The following ADGRL3 variants were observed in gnomAD, a reference collection of about 807,000 sequenced individuals.
ADGRL3 encodes the protein adhesion G protein-coupled receptor L3.
Under a neutral mutation model 153.5 loss-of-function variants are expected in ADGRL3, and 62 were observed. The ratio of observed to expected loss-of-function variants is 0.40; its 90% CI spans 0.33 to 0.50. The LOEUF (loss-of-function observed/expected upper bound fraction) is 0.50. ADGRL3 is among the 20% of genes least tolerant of loss of function. The pLI, the probability that ADGRL3 is intolerant of heterozygous loss-of-function variation, is 0.47. For missense variants in ADGRL3, 1,641 were observed against 1,859.4 expected, an observed-to-expected ratio of 0.88 and a Z score of 2.16; for synonymous variants, 710 against 672.5, an observed-to-expected ratio of 1.06 and a Z score of -0.86.
intron 21 of ADGRL3, among the ~76,000 whole-genome samples, chr4:62,007,375 TATATATATACACACACACAC>T (rs1560497561): frequency 9.9e-4 from 9 of 9,052 alleles, no homozygotes; most frequent in African/African-American, 1.2e-3. Flanking sequence ...TATATATATA[TATATATATACACACACACAC>T]ATATATATAT....
intron 25 of ADGRL3, among the ~76,000 whole-genome samples, chr4:62,058,971 A>G (rs1348499969): frequency 2.0e-5 from 3 of 152,136 alleles, no homozygotes; most frequent in African/African-American, 7.2e-5. Flanking sequence ...TTGCACATAA[A>G]AGGGGGAAGA....
intron 1 of ADGRL3, among the ~76,000 whole-genome samples, chr4:61,373,638 C>G (rs57534384): frequency 6.6e-6 from 1 of 152,092 alleles, no homozygotes; most frequent in African/African-American, 2.4e-5. Context: ...TCAGATAAAT[C>G]ATTTTCATAG....
At chr4:62,006,643 TTATA>T (rs1301122198) in intron 21 of ADGRL3, among the ~76,000 whole-genome samples, 1 of 151,788 alleles carries the variant, frequency 6.6e-6, no homozygotes, top group Non-Finnish European at 1.5e-5. Flanking sequence ...TGGTTTCACT[TTATA>T]TATCTATTAT....
intron 4 of ADGRL3, among the ~76,000 whole-genome samples, chr4:61,561,473 A>G (rs575728041): frequency 2.8e-4 from 42 of 152,316 alleles, no homozygotes; most frequent in Non-Finnish European, 4.6e-4. Flanking sequence ...TCCAGGAAGA[A>G]AAATAAGACA....
chr4:61,511,102 A>G (rs571652828), intron 3 of ADGRL3, among the ~76,000 whole-genome samples: 5 of 152,280 alleles, frequency 3.3e-5, no homozygotes, highest in Admixed American at 2.0e-4. Flanking sequence ...TCATGCCTGT[A>G]ATCCCAACAC....
chr4:61,588,827 G>C (rs898022917), intron 5 of ADGRL3, among the ~76,000 whole-genome samples: 5 of 151,912 alleles, frequency 3.3e-5, no homozygotes, highest in African/African-American at 1.2e-4. Flanking sequence ...TATGCAGTGG[G>C]CACTATGACT....
intron 8 of ADGRL3, among the ~76,000 whole-genome samples, chr4:61,777,927 T>G (rs2097171928): frequency 6.6e-6 from 1 of 152,138 alleles, no homozygotes; most frequent in South Asian, 2.1e-4. Context: ...GGGTTGGTCT[T>G]TCACTCCAGA....
intron 21 of ADGRL3, among the ~76,000 whole-genome samples, chr4:61,998,950 A>G (rs1416850970): frequency 1.3e-5 from 2 of 152,126 alleles, no homozygotes; most frequent in Admixed American, 1.3e-4. Flanking sequence ...CAATGTGATG[A>G]GAGCCAGATG....
At chr4:61,294,735 C>T (rs2094344786) in intron 1 of ADGRL3, among the ~76,000 whole-genome samples, 1 of 152,000 alleles carries the variant, frequency 6.6e-6, no homozygotes, top group African/African-American at 2.4e-5. Flanking sequence ...ATCTTAATAT[C>T]TCATCAATAT....
intron 17 of ADGRL3, among the ~76,000 whole-genome samples, chr4:61,965,745 C>T (rs1346216240): frequency 6.6e-6 from 1 of 151,244 alleles, no homozygotes; most frequent in Non-Finnish European, 1.5e-5. Flanking sequence ...AGCAAGACTC[C>T]GACTCACAAA....
intron 6 of ADGRL3, among the ~76,000 whole-genome samples, chr4:61,691,586 A>G (rs2095540429): frequency 6.6e-6 from 1 of 152,192 alleles, no homozygotes; most frequent in Admixed American, 6.6e-5. Context: ...TAATGCATAT[A>G]ACAGAATTAA....
intron 2 of ADGRL3, among the ~76,000 whole-genome samples, chr4:61,474,950 A>C (rs1487249633): frequency 6.6e-6 from 1 of 152,170 alleles, no homozygotes; most frequent in African/African-American, 2.4e-5. Context: ...ACTACTGCCC[A>C]ATTGCACAGT....
intron 25 of ADGRL3, among the ~76,000 whole-genome samples, chr4:62,060,186 T>G (rs1430563105): frequency 6.6e-6 from 1 of 152,006 alleles, no homozygotes; most frequent in Admixed American, 6.6e-5. Flanking sequence ...TGCATTTTTC[T>G]TTTTTCAAAT....
chr4:61,267,786 T>C (rs2092939324), intron 1 of ADGRL3, among the ~76,000 whole-genome samples: 1 of 151,684 alleles, frequency 6.6e-6, no homozygotes, highest in Admixed American at 6.6e-5. Flanking sequence ...AGAGAAGATA[T>C]CTGTCTCAAA....
intron 23 of ADGRL3, among the ~76,000 whole-genome samples, chr4:62,031,994 T>C (rs11931728): frequency 0.046 from 3,332 of 72,358 alleles, 88 homozygotes; most frequent in African/African-American, 0.09. Flanking sequence ...CACACACACA[T>C]GGATATATAT....
chr4:61,595,947 T>C (rs201366851), intron 5 of ADGRL3, among the ~76,000 whole-genome samples: 1 of 152,100 alleles, frequency 6.6e-6, no homozygotes, highest in East Asian at 1.9e-4. Context: ...CAGCACTGAA[T>C]TCAATGTAAA....
intron 4 of ADGRL3, among the ~76,000 whole-genome samples, chr4:61,576,994 G>T (rs1040516908): frequency 2.0e-5 from 3 of 151,882 alleles, no homozygotes; most frequent in African/African-American, 7.3e-5. Context: ...CAATGTTGAA[G>T]GTATTACCAA....
chr4:61,393,470 C>T (rs2096836262), intron 2 of ADGRL3, among the ~76,000 whole-genome samples: 1 of 151,816 alleles, frequency 6.6e-6, no homozygotes, highest in Admixed American at 6.6e-5. Flanking sequence ...TAAATGTAAA[C>T]TCATTTCCTC....
intron 5 of ADGRL3, among the ~76,000 whole-genome samples, chr4:61,657,228 C>T (rs141682821): frequency 1.2e-3 from 188 of 152,090 alleles, no homozygotes; most frequent in East Asian, 6.4e-3. Context: ...CTTAAGCTGA[C>T]GCAGGTATTG....
Sources: allele counts gnomAD v4.1 joint callset (sites outside exome capture counted in the v4.1 genomes callset), GRCh38; gene constraint gnomAD v4.1.1; transcripts MANE v1.5; gene names NCBI Gene and HGNC (gene_info 2026-07-23, HGNC 2026-07-21).